ITGAL: variants seen among roughly 807,000 people sequenced by gnomAD.
The protein encoded by ITGAL is integrin subunit alpha L.
Under a neutral mutation model 138.4 loss-of-function variants are expected in ITGAL, and 68 were observed. That is an observed-to-expected ratio of 0.49 (90% CI 0.40 to 0.60). The LOEUF (loss-of-function observed/expected upper bound fraction) is 0.60. Among genes scored for constraint, ITGAL ranks in the 20% least tolerant of loss-of-function variants. The pLI, the probability that ITGAL is intolerant of heterozygous loss-of-function variation, is 0.00. For synonymous variants in ITGAL, 561 were observed against 584.3 expected, an observed-to-expected ratio of 0.96 and a Z score of 0.57; for missense variants, 1,256 against 1,478.6, an observed-to-expected ratio of 0.85 and a Z score of 2.47.
intron 26 of ITGAL, among the ~76,000 whole-genome samples, 183 bp downstream of exon 26, chr16:30,517,269 T>C (rs1181241644): frequency 1.3e-5 from 2 of 151,982 alleles, no homozygotes; most frequent in Non-Finnish European, 2.9e-5. Context: ...ATGGGCAACA[T>C]AGCACAACTC....
chr16:30,516,548 G>T (rs1567491217), intron 25 of ITGAL, among the ~76,000 whole-genome samples: 1 of 152,060 alleles, frequency 6.6e-6, no homozygotes, highest in Non-Finnish European at 1.5e-5. Flanking sequence ...AGCAGTAGGG[G>T]ATTGGAGGTG....
In ITGAL at chr16:30,517,008, A is replaced by G. The variant is rs925910390; in HGVS notation, c.2898A>G (p.Ile966Met). 6.2e-7 allele frequency: 1 copy of G among 1,613,306 alleles called. No individual in the cohort carries two copies. The highest frequency in any genetic ancestry group is 1.3e-5 in the African/African-American group (1 of 74,792). Residue 966 changes from isoleucine (I) to methionine (M), a missense_variant, in exon 26 of 31, where the codon ATA becomes ATG. By Grantham distance (10) the Ile-to-Met change is conservative. Around this residue, in one of 3 missense-constraint regions of ITGAL, gnomAD observed 867 missense variants for 972.5 expected, o/e 0.89. Coordinates refer to ENST00000356798, the MANE Select transcript of ITGAL (RefSeq NM_002209.3). ...RIQPSIHDHN[I>M]PTLEAVVGVP... is the part of the protein sequence containing the mutation. ...AGCCTTCCATCCACGACCACAACATACCCACCCTGGAGGCTGTGGTTGGGG... is the reference window on the plus strand; with the variant it reads ...AGCCTTCCATCCACGACCACAACATGCCCACCCTGGAGGCTGTGGTTGGGG...
chr16:30,485,119 C>CTCCT (rs35487696), intron 9 of ITGAL, among the ~76,000 whole-genome samples: 1 of 151,218 alleles, frequency 6.6e-6, no homozygotes, highest in Non-Finnish European at 1.5e-5. Flanking sequence ...CCTTCTTTCT[C>CTCCT]TCCTTCCTTC....
intron 7 of ITGAL, among the ~76,000 whole-genome samples, chr16:30,481,836 G>A (rs919984555): frequency 2.6e-5 from 4 of 152,190 alleles, no homozygotes; most frequent in African/African-American, 9.6e-5. Context: ...TTGGGAAGCT[G>A]AGGCAGGAGG....
intron 11 of ITGAL, among the ~76,000 whole-genome samples, chr16:30,493,605 A>G (rs935684457): frequency 2.0e-5 from 3 of 152,094 alleles, no homozygotes; most frequent in Non-Finnish European, 4.4e-5. Context: ...TTAAGAAAAA[A>G]GAGGCCGGGC....
intron 25 of ITGAL, among the ~76,000 whole-genome samples, chr16:30,514,074 G>A (rs1418655790): frequency 1.3e-5 from 2 of 152,178 alleles, no homozygotes; most frequent in African/African-American, 2.4e-5. Flanking sequence ...GGACTTGAGA[G>A]CAAGGAGGAT....
In ITGAL at chr16:30,496,514, G is replaced by A. The variant is rs772181607; in HGVS notation, c.1780G>A (p.Asp594Asn). ...CCATGGGGTGAAGGACCTTGAAGGG[G>A]ATGGCTTGGCAGATGTGGCTGTGGG... ...SIHGVKDLEG[D>N]GLADVAVGAE... The change falls in exon 15 of 31, where the codon GAT becomes AAT. Residue 594 changes from aspartate to asparagine, a missense_variant. Physicochemically the swap from Asp to Asn is conservative, Grantham distance 23. Transcript: ENST00000356798. 1.2e-6 allele frequency: 2 copies of A among 1,614,130 alleles called. No homozygotes were observed. The highest frequency in any genetic ancestry group is 1.1e-5 in the South Asian group (1 of 91,082).
At chr16:30,506,307 A>G (rs1004613573) in intron 20 of ITGAL, among the ~76,000 whole-genome samples, 12 of 148,774 alleles carry the variant, frequency 8.1e-5, no homozygotes, top group African/African-American at 2.0e-4. Context: ...TAATCCCAGC[A>G]CTTTGGGAGG....
intron 4 of ITGAL, among the ~76,000 whole-genome samples, chr16:30,477,754 C>T (rs1323968432): frequency 1.7e-4 from 26 of 150,920 alleles, no homozygotes; most frequent in Non-Finnish European, 2.9e-5. Context: ...GGCATGGTGG[C>T]GTGTGCCTGT....
chr16:30,521,760 G>A lies in ITGAL; in HGVS notation c.*95G>A, dbSNP rs1188168519. On this transcript the variant is annotated 3_prime_UTR_variant, in exon 31 of 31. Transcript: ENST00000356798. ...TGCATTCTGCCGTGTGCCCTCGGGC[G>A]AGTCACTGCCTCTCCCTGGCCCTCA... 25 of 1,222,902 alleles carry A rather than the reference G, an allele frequency of 2.0e-5. No homozygotes were observed. The highest frequency in any genetic ancestry group is 2.8e-4 in the Middle Eastern group (1 of 3,532). The allele number at this position is 1,222,902 out of a possible 1,614,324, so 75.8% of individuals were successfully genotyped here.
chr16:30,520,109 C>T, intron 30 of ITGAL, 142 bp downstream of exon 30: 1 of 631,776 alleles, frequency 1.6e-6, no homozygotes, highest in South Asian at 1.8e-5. Context: ...AGCCTACTCC[C>T]TCCTTCAACA....
At chr16:30,504,132 A>C in intron 17 of ITGAL, 43 bp from the exon 18 acceptor site, 1 of 1,457,582 alleles carries the variant, frequency 6.9e-7, no homozygotes, top group East Asian at 2.3e-5. Flanking sequence ...AAGTGCGGTA[A>C]AAGTTAGATT....
rs760345931 is a variant in ITGAL, at chr16:30,475,387, A to G, written c.246A>G (p.Pro82=). 1 of 1,613,600 alleles carries G rather than the reference A, an allele frequency of 6.2e-7. No homozygotes were observed. The highest frequency in any genetic ancestry group is 8.5e-7 in the Non-Finnish European group (1 of 1,179,542). The change falls in exon 3 of 31, where the codon CCA becomes CCG. Residue 82 remains proline, a synonymous_variant. Coordinates refer to ENST00000356798, the MANE Select transcript of ITGAL (RefSeq NM_002209.3). ...QCQSGTGHCL[P]VTLRGSNYTS... is the part of the protein sequence containing the mutation. Reference sequence around the variant, plus strand: ...AGTCGGGCACAGGACACTGCCTGCCAGTCACCCTGAGAGGTGAGTAACTGG... The same window carrying G: ...AGTCGGGCACAGGACACTGCCTGCCGGTCACCCTGAGAGGTGAGTAACTGG...
intron 17 of ITGAL, among the ~76,000 whole-genome samples, chr16:30,502,123 C>T (rs761488233): frequency 3.9e-5 from 6 of 152,086 alleles, no homozygotes; most frequent in South Asian, 2.1e-4. Flanking sequence ...TATGGCCGGG[C>T]GCGGTGGCTC....
chr16:30,520,834 G>A (rs188731764), intron 30 of ITGAL, among the ~76,000 whole-genome samples: 165 of 152,190 alleles, frequency 1.1e-3, no homozygotes, highest in Non-Finnish European at 1.9e-3. Context: ...CCTGTAATCC[G>A]AGCACTTTGG....
rs933657432 is a variant in ITGAL at position 30,496,207 on chromosome 16, C to T, written c.1614C>T (p.Asp538=). 8.1e-6 allele frequency: 13 copies of T among 1,613,596 alleles called. No homozygotes were observed. The Admixed American group carries it at 8.3e-5, about 10-fold the overall frequency. The change falls in exon 14 of 31, where the codon GAC becomes GAT. Residue 538 remains aspartate, a synonymous_variant. Transcript: ENST00000356798. ...ACATCAACGGCGATGGGCTGGTAGA[C>T]GTGGCTGTGGGGGCCCCTCTGGAGG... ...LTDINGDGLV[D]VAVGAPLEEQ...
chr16:30,494,931 C>A lies in ITGAL; in HGVS notation c.1503+81C>A. The A allele has an allele frequency of 6.8e-7, 1 of 1,471,656 alleles. No homozygotes were observed. Among genetic ancestry groups the A allele is most frequent in the Non-Finnish European group, 9.1e-7 (1 of 1,093,090 alleles). 91.2% of individuals were successfully genotyped at this position (1,471,656 alleles called of 1,614,324 possible). A position where few individuals can be genotyped will look rare whatever the true frequency, so the allele number is the denominator to read the frequency against. ...CTCCCAGTTATTCTGAAGGCTTTCTCTGTCTGGTCACGTGGCGATCAAACT... is the reference window on the plus strand; with the variant it reads ...CTCCCAGTTATTCTGAAGGCTTTCTATGTCTGGTCACGTGGCGATCAAACT... On this transcript the variant is annotated intron_variant, in intron 13 of 30. Coordinates refer to ENST00000356798, the MANE Select transcript of ITGAL (RefSeq NM_002209.3). This position sits in a 1 kb window ranked among gnomAD's most constrained non-coding sequence, Gnocchi z 4.2.
intron 17 of ITGAL, among the ~76,000 whole-genome samples, chr16:30,501,004 C>CA (rs753921620): frequency 0.019 from 2,542 of 134,158 alleles, 67 homozygotes; most frequent in Admixed American, 0.057. Context: ...AACTCCATCT[C>CA]AAAAAAAAAA....
intron 4 of ITGAL, among the ~76,000 whole-genome samples, chr16:30,476,528 G>A (rs2050474698): frequency 6.6e-6 from 1 of 151,888 alleles, no homozygotes; most frequent in Admixed American, 6.6e-5. Context: ...GGAAGAGGCT[G>A]AAGTTAAACA....
Sources: allele counts gnomAD v4.1 joint callset (sites outside exome capture counted in the v4.1 genomes callset), GRCh38; gene constraint gnomAD v4.1.1; regional missense constraint gnomAD v4.1.1; non-coding constraint Gnocchi (gnomAD v3.1); transcripts MANE v1.5; gene names NCBI Gene and HGNC (gene_info 2026-07-23, HGNC 2026-07-21).